The following ZBTB8A variants were observed in gnomAD, a reference collection of about 807,000 sequenced individuals.
ZBTB8A encodes the protein zinc finger and BTB domain containing 8A, also known as zinc finger and BTB domain-containing protein 8A.
ZBTB8A carries 19 observed loss-of-function variants against 37.8 expected under a neutral mutation model. The observed-to-expected ratio is 0.50, with a 90% CI of 0.35 to 0.74. The LOEUF is 0.74. Among genes scored for constraint, ZBTB8A ranks in the 30% least tolerant of loss-of-function variants. The pLI is 0.01. For missense variants in ZBTB8A, 394 were observed against 537.8 expected (o/e 0.73, Z 2.65); for synonymous variants, 181 against 185.2 (o/e 0.98, Z 0.19).
chr1:32,565,489 AC>A (rs1409073401), intron 2 of ZBTB8A, among the ~76,000 whole-genome samples: 1 of 152,020 alleles, frequency 6.6e-6, no homozygotes, highest in Non-Finnish European at 1.5e-5. Flanking sequence ...CCGTGTCTCT[AC>A]AAAATAATTA....
At chr1:32,560,596 TTTTTC>T (rs1162747377) in intron 2 of ZBTB8A, among the ~76,000 whole-genome samples, 24 of 151,126 alleles carry the variant, frequency 1.6e-4, no homozygotes, top group Non-Finnish European at 2.8e-4. Context: ...CGTTCTTTCT[TTTTTC>T]TTTTCTTTTC....
intron 1 of ZBTB8A, among the ~76,000 whole-genome samples, chr1:32,543,147 G>A (rs1644071058): frequency 6.6e-6 from 1 of 151,968 alleles, no homozygotes; most frequent in African/African-American, 2.4e-5. Flanking sequence ...GCAATGGTGT[G>A]ATCTGGGCTC....
At chr1:32,561,307 C>T (rs1644242646) in intron 2 of ZBTB8A, among the ~76,000 whole-genome samples, 1 of 152,140 alleles carries the variant, frequency 6.6e-6, no homozygotes, top group African/African-American at 2.4e-5. Context: ...TTTCAAGCAT[C>T]TACCCTAGCA....
intron 1 of ZBTB8A, among the ~76,000 whole-genome samples, chr1:32,542,150 T>G (rs1194505084): frequency 6.6e-6 from 1 of 152,230 alleles, no homozygotes; most frequent in African/African-American, 2.4e-5. Flanking sequence ...TCTAGTTAGC[T>G]GAAGTTCTTT....
intron 2 of ZBTB8A, among the ~76,000 whole-genome samples, chr1:32,592,088 G>A (rs1268360502): frequency 1.3e-5 from 2 of 152,032 alleles, no homozygotes; most frequent in Admixed American, 1.3e-4. Flanking sequence ...TGATCTGCCC[G>A]CCTTGGCCTC....
In ZBTB8A at chr1:32,539,616, G is replaced by T. The variant is rs1469920529; in HGVS notation, c.-84+44G>T. On this transcript the variant is annotated intron_variant, in intron 1 of 4. Coordinates refer to ENST00000373510, the MANE Select transcript of ZBTB8A (RefSeq NM_001040441.3). ...CGCCGGCGGAGGGCGGGCGGGCGTC[G>T]GGGCTGCCCGGGACCCGCCGCGAGC... 4 of 146,278 alleles carry T rather than the reference G, an allele frequency of 2.7e-5. No individual in the cohort carries two copies. In the East Asian group the frequency reaches 7.9e-4, roughly 29 times the overall value. The allele number at this position is 146,278 out of a possible 1,614,324, so 9.1% of individuals were successfully genotyped here.
At chr1:32,552,559 G>A (rs1644165243) in intron 1 of ZBTB8A, among the ~76,000 whole-genome samples, 1 of 151,974 alleles carries the variant, frequency 6.6e-6, no homozygotes, top group South Asian at 2.1e-4. Flanking sequence ...CCAGCTACTC[G>A]GGAGGCTGAG....
chr1:32,566,679 TTAAC>T (rs763976782), intron 2 of ZBTB8A, among the ~76,000 whole-genome samples: 12 of 152,204 alleles, frequency 7.9e-5, no homozygotes, highest in Non-Finnish European at 1.5e-4. Context: ...GCCATAGTGA[TTAAC>T]TAAAGCTCCC....
intron 2 of ZBTB8A, among the ~76,000 whole-genome samples, chr1:32,592,366 C>G (rs1225936426): frequency 7.3e-5 from 11 of 150,114 alleles, no homozygotes; most frequent in Admixed American, 2.0e-4. Flanking sequence ...GAGACCTTAT[C>G]TCTATTAAAA....
In ZBTB8A at chr1:32,595,017, A is replaced by T. The variant is rs568593085; in HGVS notation, c.824-37A>T. On this transcript the variant is annotated intron_variant, in intron 3 of 4. Coordinates refer to ENST00000373510, the MANE Select transcript of ZBTB8A (RefSeq NM_001040441.3). ...TCTTTCTGTTATTAGAATTGTTATG[A>T]ACTTTCCAGTGATTTAATCAAAGCG... 2.5e-6 allele frequency: 4 copies of T among 1,575,696 alleles called. No homozygotes were observed. In the South Asian group the frequency reaches 3.5e-5, roughly 14 times the overall value.
chr1:32,584,385 A>G (rs1045241195), intron 2 of ZBTB8A, among the ~76,000 whole-genome samples: 7 of 151,484 alleles, frequency 4.6e-5, no homozygotes, highest in African/African-American at 1.5e-4. Context: ...TAAATGCAGA[A>G]TAAACACTTA....
chr1:32,585,765 G>A (rs1457159308), intron 2 of ZBTB8A, among the ~76,000 whole-genome samples: 5 of 152,124 alleles, frequency 3.3e-5, no homozygotes, highest in Non-Finnish European at 7.3e-5. Flanking sequence ...CACTTTGGGA[G>A]GCCAAGGTGG....
intron 2 of ZBTB8A, among the ~76,000 whole-genome samples, chr1:32,560,157 A>G (rs978029457): frequency 3.9e-5 from 6 of 152,092 alleles, no homozygotes; most frequent in African/African-American, 1.4e-4. Context: ...CTCACTCACT[A>G]TACAGTATCA....
chr1:32,554,250 A>T (rs971071737), intron 2 of ZBTB8A, among the ~76,000 whole-genome samples: 1 of 150,160 alleles, frequency 6.7e-6, no homozygotes, highest in Non-Finnish European at 1.5e-5. Flanking sequence ...GATTTTATAT[A>T]TCAGAGAATG....
At chr1:32,599,444 C>T (rs1435025172) in intron 4 of ZBTB8A, among the ~76,000 whole-genome samples, 1 of 151,952 alleles carries the variant, frequency 6.6e-6, no homozygotes, top group African/African-American at 2.4e-5. Context: ...GTATGCTGGG[C>T]GCGGTGCCTC....
At chr1:32,586,746 C>G (rs1022480420) in intron 2 of ZBTB8A, among the ~76,000 whole-genome samples, 1 of 151,882 alleles carries the variant, frequency 6.6e-6, no homozygotes, top group African/African-American at 2.4e-5. Context: ...AGGAGCAGAG[C>G]GGTGGAGATG....
At chr1:32,541,930 G>T (rs917781722) in intron 1 of ZBTB8A, among the ~76,000 whole-genome samples, 1 of 152,160 alleles carries the variant, frequency 6.6e-6, no homozygotes, top group Admixed American at 6.6e-5. Flanking sequence ...TAATACAGAC[G>T]ATCACTGACT....
chr1:32,561,918 G>T (rs1644246398), intron 2 of ZBTB8A, among the ~76,000 whole-genome samples: 1 of 152,062 alleles, frequency 6.6e-6, no homozygotes, highest in African/African-American at 2.4e-5. Context: ...GCAAGAGAGA[G>T]AGTGGAAGGA....
chr1:32,580,167 G>A (rs34207524), intron 2 of ZBTB8A, among the ~76,000 whole-genome samples: 4 of 152,056 alleles, frequency 2.6e-5, no homozygotes, highest in Non-Finnish European at 4.4e-5. Context: ...GGTGGTGGAC[G>A]TTGCAGTGAG....
Sources: allele counts gnomAD v4.1 joint callset (sites outside exome capture counted in the v4.1 genomes callset), GRCh38; gene constraint gnomAD v4.1.1; transcripts MANE v1.5; gene names NCBI Gene and HGNC (gene_info 2026-07-23, HGNC 2026-07-21).